Variants in TMEFF1 observed in about 807,000 individuals in gnomAD.
TMEFF1 encodes the protein transmembrane protein with EGF like and two follistatin like domains 1, also known as tomoregulin-1.
Under a neutral mutation model 47.5 loss-of-function variants are expected in TMEFF1, and 20 were observed. The observed-to-expected ratio is 0.42, with a 90% CI of 0.30 to 0.61. The LOEUF is 0.61. TMEFF1 is among the 20% of genes least tolerant of loss of function. The pLI is 0.19. For missense variants in TMEFF1, 411 were observed against 471.1 expected, an observed-to-expected ratio of 0.87 and a Z score of 1.18; for synonymous variants, 162 against 166.3, an observed-to-expected ratio of 0.97 and a Z score of 0.20.
chr9:100,569,432 T>C (rs1839185283), intron 8 of TMEFF1, among the ~76,000 whole-genome samples: 1 of 152,176 alleles, frequency 6.6e-6, no homozygotes, highest in Non-Finnish European at 1.5e-5. Context: ...ATATTCTAGA[T>C]ATAAGTCCCT....
At chr9:100,547,920 C>A (rs970338017) in intron 6 of TMEFF1, 28 bp downstream of exon 6, 1 of 1,520,812 alleles carries the variant, frequency 6.6e-7, no homozygotes, top group Non-Finnish European at 8.8e-7. Flanking sequence ...TATTCAGAGA[C>A]CCATCTTTAT....
At chr9:100,505,792 C>T (rs543732179) in intron 2 of TMEFF1, among the ~76,000 whole-genome samples, 2 of 152,338 alleles carry the variant, frequency 1.3e-5, no homozygotes, top group African/African-American at 4.8e-5. Context: ...GAACACAACA[C>T]TACGTTAGAA....
chr9:100,526,758 C>A (rs1410206988), intron 5 of TMEFF1, among the ~76,000 whole-genome samples: 1 of 151,520 alleles, frequency 6.6e-6, no homozygotes, highest in Non-Finnish European at 1.5e-5. Context: ...TGTTATGTGG[C>A]CTTTTAAAAT....
chr9:100,527,398 C>T (rs561873365), intron 5 of TMEFF1, among the ~76,000 whole-genome samples: 11 of 152,258 alleles, frequency 7.2e-5, no homozygotes, highest in East Asian at 1.9e-4. Flanking sequence ...GTGCGTGAGC[C>T]GAAGCAGGGC....
At chr9:100,573,817 G>A (rs1017894667) in intron 9 of TMEFF1, among the ~76,000 whole-genome samples, 1 of 152,266 alleles carries the variant, frequency 6.6e-6, no homozygotes, top group Non-Finnish European at 1.5e-5. Context: ...ATGAAAGTCA[G>A]TGCGCTTTAT....
chr9:100,552,720 C>T (rs1270776577), intron 7 of TMEFF1, among the ~76,000 whole-genome samples: 5 of 151,948 alleles, frequency 3.3e-5, no homozygotes, highest in Non-Finnish European at 5.9e-5. Flanking sequence ...AAAATTAACC[C>T]GTGGTGGTGG....
At chr9:100,485,160 C>T (rs545983974) in intron 1 of TMEFF1, among the ~76,000 whole-genome samples, 2 of 152,220 alleles carry the variant, frequency 1.3e-5, no homozygotes, top group South Asian at 2.1e-4. Context: ...TTCATTGTCT[C>T]GATAATACCA....
At chr9:100,474,667 G>C (rs903482550) in intron 1 of TMEFF1, among the ~76,000 whole-genome samples, 4 of 152,144 alleles carry the variant, frequency 2.6e-5, no homozygotes, top group Admixed American at 6.5e-5. Context: ...GGTTATTAAA[G>C]TGTGGAAAGA....
At chr9:100,492,008 C>T (rs1280860363) in intron 1 of TMEFF1, among the ~76,000 whole-genome samples, 3 of 151,960 alleles carry the variant, frequency 2.0e-5, no homozygotes, top group Non-Finnish European at 4.4e-5. Context: ...GCCTCAGCCT[C>T]CCGAGTAGCT....
intron 1 of TMEFF1, among the ~76,000 whole-genome samples, chr9:100,483,383 G>T (rs542920293): frequency 6.6e-6 from 1 of 152,254 alleles, no homozygotes; most frequent in South Asian, 2.1e-4. Flanking sequence ...TGTAATCCCA[G>T]CTACTCAGGA....
At chr9:100,488,038 T>G (rs1837484011) in intron 1 of TMEFF1, among the ~76,000 whole-genome samples, 1 of 152,206 alleles carries the variant, frequency 6.6e-6, no homozygotes, top group Admixed American at 6.5e-5. Context: ...TACTTAGTGT[T>G]GCAGACACTA....
chr9:100,551,705 T>C (rs1838829689), intron 7 of TMEFF1, among the ~76,000 whole-genome samples: 1 of 152,232 alleles, frequency 6.6e-6, no homozygotes, highest in Admixed American at 6.5e-5. Flanking sequence ...ATTTATTATG[T>C]ACCTAATTTA....
In TMEFF1 at chr9:100,484,892, G is replaced by T. The variant is rs1025471898; in HGVS notation, c.196+11152G>T. Among the ~76,000 whole-genome samples the T allele has an allele frequency of 1.1e-4, 17 of 151,802 alleles. No homozygotes were observed. The South Asian group carries it at 1.7e-3, about 15-fold the overall frequency. ...GAGTTTCACTGCGTTGGCCAGGCTGGTCTCAAACTCCTGACCTCAAGTGAT... is the reference window on the plus strand; with the variant it reads ...GAGTTTCACTGCGTTGGCCAGGCTGTTCTCAAACTCCTGACCTCAAGTGAT... On this transcript the variant is annotated intron_variant, in intron 1 of 9. Coordinates refer to ENST00000374879, the MANE Select transcript of TMEFF1 (RefSeq NM_003692.5).
intron 8 of TMEFF1, among the ~76,000 whole-genome samples, chr9:100,570,303 A>G (rs956591000): frequency 6.6e-6 from 1 of 152,186 alleles, no homozygotes; most frequent in African/African-American, 2.4e-5. Flanking sequence ...CCCAGTAATG[A>G]GATTGCTGGA....
chr9:100,557,049 A>G (rs1003059918), intron 7 of TMEFF1, among the ~76,000 whole-genome samples: 2 of 149,956 alleles, frequency 1.3e-5, no homozygotes, highest in South Asian at 2.1e-4. Flanking sequence ...GTCACCTGAT[A>G]TATATATATG....
chr9:100,531,201 A>G (rs970241071), intron 5 of TMEFF1, among the ~76,000 whole-genome samples: 46 of 152,072 alleles, frequency 3.0e-4, no homozygotes, highest in South Asian at 1.3e-3. Context: ...CTCTCTCACC[A>G]CTCCTATTCA....
In TMEFF1 at chr9:100,497,320, C is replaced by CTTTTTT. The variant is rs752427622; in HGVS notation, c.197-1426_197-1421dup. Among the ~76,000 whole-genome samples the CTTTTTT allele has an allele frequency of 4.0e-3, 240 of 59,524 alleles. 19 individuals carry two copies. The highest frequency in any genetic ancestry group is 0.013 in the African/African-American group (191 of 14,668). 39.1% of individuals were successfully genotyped at this position (59,524 alleles called of 152,430 possible). On this transcript the variant is annotated intron_variant, in intron 1 of 9. Coordinates refer to ENST00000374879, the MANE Select transcript of TMEFF1 (RefSeq NM_003692.5). ...TCTTGCTTTAAGTTTCCACTCATGTCTTTTTTTTTTTTTTTTTTTTTTTTG... is the reference window on the plus strand; with the variant it reads ...TCTTGCTTTAAGTTTCCACTCATGTCTTTTTTTTTTTTTTTTTTTTTTTTTTTTTTG...
intron 5 of TMEFF1, chr9:100,518,406 C>T: frequency 1.0e-6 from 1 of 983,608 alleles, no homozygotes; most frequent in Non-Finnish European, 1.2e-6. Flanking sequence ...AGCTTGCCAC[C>T]ACTATTGTTG....
At chr9:100,529,578 C>T (rs1838336824) in intron 5 of TMEFF1, among the ~76,000 whole-genome samples, 1 of 151,682 alleles carries the variant, frequency 6.6e-6, no homozygotes, top group Admixed American at 6.6e-5. Flanking sequence ...ACAGGAGCAC[C>T]CAGATTCATA....
Sources: gnomAD v4.1 joint callset for allele counts (sites outside exome capture counted in the v4.1 genomes callset) on GRCh38, gnomAD v4.1.1 for gene constraint, MANE v1.5 for transcripts, NCBI Gene and HGNC (gene_info 2026-07-23, HGNC 2026-07-21) for gene names.